DENND6A: variants seen among roughly 807,000 people sequenced by gnomAD.
DENND6A encodes the protein DENN domain containing 6A, also known as protein DENND6A.
Under a neutral mutation model 95.5 loss-of-function variants are expected in DENND6A, and 43 were observed. The observed-to-expected ratio is 0.45, with a 90% CI of 0.35 to 0.58. The LOEUF (loss-of-function observed/expected upper bound fraction) is 0.58. Among genes scored for constraint, DENND6A ranks in the 20% least tolerant of loss-of-function variants. The pLI is 0.00. For synonymous variants in DENND6A, 257 were observed against 260.4 expected, an observed-to-expected ratio of 0.99 and a Z score of 0.13; for missense variants, 574 against 736.0, an observed-to-expected ratio of 0.78 and a Z score of 2.55.
intron 12 of DENND6A, among the ~76,000 whole-genome samples, chr3:57,641,105 C>A (rs1018441599): frequency 6.7e-6 from 1 of 148,790 alleles, no homozygotes; most frequent in African/African-American, 2.5e-5. Flanking sequence ...TTGGAAAGTT[C>A]TGTTTTATTG....
At chr3:57,648,461 A>AT (rs1183213784) in intron 9 of DENND6A, among the ~76,000 whole-genome samples, 4 of 152,186 alleles carry the variant, frequency 2.6e-5, no homozygotes, top group Non-Finnish European at 5.9e-5. Context: ...ATTCCCATCA[A>AT]TGCCCTCCTT....
chr3:57,687,074 G>A (rs1238674912), intron 1 of DENND6A, among the ~76,000 whole-genome samples: 1 of 151,994 alleles, frequency 6.6e-6, no homozygotes, highest in Non-Finnish European at 1.5e-5. Flanking sequence ...GCCCAGTCTG[G>A]TCTTGAACTC....
In DENND6A at chr3:57,630,481, G is replaced by A; in HGVS notation, c.1560C>T (p.Thr520=). ...KSPNFDGWFK[T]RRKEMTQKLE... is the part of the protein sequence containing the mutation. The stretch of plus-strand genomic sequence containing the variant: ...ATTTTTGGGTCATTTCCTTCCTCCG[G>A]GTCTTAAACCAGCCATCAAAATTTG... Residue 520 remains threonine, a synonymous_variant, in exon 18 of 20, where the codon ACC becomes ACT. Transcript: ENST00000311128. 6.3e-7 allele frequency: 1 copy of A among 1,592,872 alleles called. No homozygotes were observed. Among genetic ancestry groups the A allele is most frequent in the African/African-American group, 1.4e-5 (1 of 73,386 alleles).
chr3:57,646,211 G>A, intron 10 of DENND6A, 105 bp downstream of exon 10: 2 of 1,454,304 alleles, frequency 1.4e-6, no homozygotes, highest in South Asian at 2.8e-5. Flanking sequence ...GCAATAATGG[G>A]TGGGGAAAAA....
chr3:57,654,745 G>T (rs186275534), intron 9 of DENND6A: 1 of 985,250 alleles, frequency 1.0e-6, no homozygotes, highest in Non-Finnish European at 1.2e-6. Context: ...TGAAAGGAGC[G>T]CCTACACTCA....
intron 17 of DENND6A, 61 bp from the exon 18 acceptor site, chr3:57,630,584 C>A: frequency 1.3e-6 from 2 of 1,532,256 alleles, no homozygotes; most frequent in Non-Finnish European, 8.8e-7. Context: ...TTCCTCAATA[C>A]CTTTCCTAGT....
chr3:57,681,846 GGA>G (rs1299789856), intron 1 of DENND6A, among the ~76,000 whole-genome samples: 1 of 152,072 alleles, frequency 6.6e-6, no homozygotes, highest in African/African-American at 2.4e-5. Context: ...TAGATGCCAG[GGA>G]AAAAGTGGAA....
intron 17 of DENND6A, 80 bp from the exon 18 acceptor site, chr3:57,630,603 C>T: frequency 6.6e-7 from 1 of 1,520,558 alleles, no homozygotes; most frequent in Non-Finnish European, 8.9e-7. Context: ...GTCAGAGAAC[C>T]ATGTCAAACT....
At position 57,627,662 on chromosome 3, in the gene DENND6A, T is replaced by C. The variant is rs1173974013; in HGVS notation, c.*552A>G. 6.6e-6 allele frequency: 1 copy of C among 152,544 alleles called. No individual in the cohort carries two copies. Among genetic ancestry groups the C allele is most frequent in the Non-Finnish European group, 1.5e-5 (1 of 68,074 alleles). The allele number at this position is 152,544 out of a possible 1,614,324, so 9.4% of individuals were successfully genotyped here. ...TTTAAACAATGATCACTCAACAGAATACCTTATAAAATTACGTATCATAAT... is the reference window on the plus strand; with the variant it reads ...TTTAAACAATGATCACTCAACAGAACACCTTATAAAATTACGTATCATAAT... On this transcript the variant is annotated 3_prime_UTR_variant, in exon 20 of 20. Transcript: ENST00000311128.
chr3:57,627,973 A>C lies in DENND6A; in HGVS notation c.*241T>G, dbSNP rs2070568734. 2.4e-6 allele frequency: 1 copy of C among 416,026 alleles called. No homozygotes were observed. Among genetic ancestry groups the C allele is most frequent in the African/African-American group, 2.0e-5 (1 of 49,752 alleles). The allele number at this position is 416,026 out of a possible 1,614,324, so 25.8% of individuals were successfully genotyped here. On this transcript the variant is annotated 3_prime_UTR_variant, in exon 20 of 20. Coordinates refer to ENST00000311128, the MANE Select transcript of DENND6A (RefSeq NM_152678.3). Reference sequence around the variant, plus strand: ...CATAAGAGCACTTTAGAACATGATTAAAAATATAGAAATGCCTTTCGGTGT... The same window carrying C: ...CATAAGAGCACTTTAGAACATGATTCAAAATATAGAAATGCCTTTCGGTGT...
Position 57,641,676 on chromosome 3 carries a change from C to A in DENND6A, c.1109G>T (p.Arg370Leu), listed in dbSNP as rs1333970510. The change falls in exon 12 of 20, where the codon CGA becomes CTA. Residue 370 changes from arginine to leucine, a missense_variant. Arg to Leu is a moderately radical substitution (Grantham distance 102). Transcript: ENST00000311128. ...ACCTGTAGGTTTAAGGTCTCCTATT[C>A]GAATAATGTGTGGCCAGTGCTGGAG... Reference protein sequence around the residue: ...KTLQHWPHIIRIGDLKPTGEI... With the variant: ...KTLQHWPHIILIGDLKPTGEI... 6.2e-7 allele frequency: 1 copy of A among 1,612,092 alleles called. No homozygotes were observed. The highest frequency in any genetic ancestry group is 1.3e-5 in the African/African-American group (1 of 74,892).
intron 1 of DENND6A, among the ~76,000 whole-genome samples, chr3:57,689,313 A>AG (rs2077239791): frequency 1.3e-5 from 2 of 150,992 alleles, no homozygotes; most frequent in African/African-American, 4.9e-5. Context: ...TTATTCACTC[A>AG]GAAAAAAAAA....
In DENND6A at chr3:57,671,423, G is replaced by A. The variant is rs544384101; in HGVS notation, c.319+833C>T. On this transcript the variant is annotated intron_variant, in intron 3 of 19. Coordinates refer to ENST00000311128, the MANE Select transcript of DENND6A (RefSeq NM_152678.3). ...CAGGCGCCTGTGGTCCCAGCTACTCGGGAGGCTGAGGTGAGAGAATGGTGT... is the reference window on the plus strand; with the variant it reads ...CAGGCGCCTGTGGTCCCAGCTACTCAGGAGGCTGAGGTGAGAGAATGGTGT... Among the ~76,000 whole-genome samples the A allele has an allele frequency of 5.0e-4, 76 of 152,054 alleles. 1 individual carries two copies. The highest frequency in any genetic ancestry group is 9.4e-4 in the Non-Finnish European group (64 of 67,978).
intron 1 of DENND6A, among the ~76,000 whole-genome samples, chr3:57,688,604 G>A (rs979500470): frequency 2.0e-5 from 3 of 151,856 alleles, no homozygotes; most frequent in Non-Finnish European, 2.9e-5. Context: ...GCAGAGTAAC[G>A]GGGGAGCAGA....
At chr3:57,691,669 C>CAAAAAAAAAAAAAAAAAAAAAAAAAA (rs71091304) in intron 1 of DENND6A, among the ~76,000 whole-genome samples, 1 of 93,596 alleles carries the variant, frequency 1.1e-5, no homozygotes, top group Non-Finnish European at 2.0e-5. Flanking sequence ...TCACCAATAC[C>CAAAAAAAAAAAAAAAAAAAAAAAAAA]AAAAAAAAAA....
chr3:57,640,500 G>A (rs2070905615), intron 12 of DENND6A, among the ~76,000 whole-genome samples: 1 of 151,272 alleles, frequency 6.6e-6, no homozygotes, highest in Non-Finnish European at 1.5e-5. Context: ...GGCTGAGGCA[G>A]GAGAAACACT....
intron 1 of DENND6A, among the ~76,000 whole-genome samples, chr3:57,692,241 A>C (rs1358347819): frequency 1.3e-5 from 2 of 151,802 alleles, no homozygotes; most frequent in Admixed American, 6.6e-5. Flanking sequence ...AAAAAAAAAA[A>C]AAAAAAAAAC....
chr3:57,628,249 A>G lies in DENND6A; in HGVS notation c.1792T>C (p.Leu598=). 1 of 1,613,912 alleles carries G rather than the reference A, an allele frequency of 6.2e-7. No homozygotes were observed. Among genetic ancestry groups the G allele is most frequent in the South Asian group, 1.1e-5 (1 of 91,026 alleles). Residue 598 remains leucine (L), a synonymous_variant, in exon 20 of 20, where the codon TTG becomes CTG. Transcript: ENST00000311128. ...CCCGTTTTGAGCAGTATGCCTTGCA[A>G]GTCCTCTGGCAATGCTAAGATAATG... ...DAIILALPED[L]QGILLKTGMT
At chr3:57,679,487 C>G in intron 1 of DENND6A, 1 of 985,356 alleles carries the variant, frequency 1.0e-6, no homozygotes, top group Non-Finnish European at 1.2e-6. Flanking sequence ...ATTTACTCAC[C>G]TTGACTTTGG....
Sources: allele counts gnomAD v4.1 joint callset (sites outside exome capture counted in the v4.1 genomes callset), GRCh38; gene constraint gnomAD v4.1.1; transcripts MANE v1.5; gene names NCBI Gene and HGNC (gene_info 2026-07-23, HGNC 2026-07-21).